Variants in GSDMD observed in about 807,000 individuals in gnomAD.
GSDMD encodes the protein gasdermin-D.
A neutral mutation model predicts 46.7 loss-of-function variants in GSDMD; 46 were observed. The observed-to-expected ratio is 0.99, with a 90% confidence interval of 0.78 to 1.26. GSDMD has a LOEUF of 1.26. GSDMD is among the 50% of genes most tolerant of loss of function. The pLI, the probability that GSDMD is intolerant of heterozygous loss-of-function variation, is 0.00. For missense variants in GSDMD, 649 were observed against 638.8 expected, an observed-to-expected ratio of 1.02 and a Z score of -0.17; for synonymous variants, 307 against 283.1, an observed-to-expected ratio of 1.08 and a Z score of -0.85.
chr8:143,559,280 T>TGAC, intron 1 of GSDMD, 52 bp from the exon 2 acceptor site: 7 of 579,430 alleles, frequency 1.2e-5, no homozygotes, highest in East Asian at 3.2e-5. Flanking sequence ...CTTCTCCCAC[T>TGAC]CCCTCCCGCC....
chr8:143,559,781 G>A lies in GSDMD; in HGVS notation c.222G>A (p.Val74=). The A allele has an allele frequency of 6.3e-7, 1 of 1,594,600 alleles. No individual in the cohort carries two copies. The highest frequency in any genetic ancestry group is 1.3e-5 in the African/African-American group (1 of 74,874). ...ILEPDAAEPD[V]QRGRSFHFYD... ...TCAGGTCTGGCCTTGCTTTAGACGT[G>A]CAGCGTGGCAGGAGCTTCCACTTCT... Residue 74 remains valine, a synonymous_variant, in exon 3 of 11, where the codon GTG becomes GTA. Transcript: ENST00000262580.
intron 1 of GSDMD, chr8:143,558,905 C>T (rs1261032916): frequency 9.2e-6 from 4 of 432,740 alleles, no homozygotes; most frequent in Non-Finnish European, 4.4e-6. Context: ...CCCTGGAGGA[C>T]GCAGCTGGGG....
At position 143,561,437 on chromosome 8, in the gene GSDMD, G is replaced by C; in HGVS notation, c.736+14G>C. 6.2e-7 allele frequency: 1 copy of C among 1,609,146 alleles called. No homozygotes were observed. ...CACCCGCGACAGGTGAGAGCCGAGA[G>C]CCCCCAGCATGGGGTGTCCGGTGGG... On this transcript the variant is annotated intron_variant, in intron 6 of 10. Coordinates refer to ENST00000262580, the MANE Select transcript of GSDMD (RefSeq NM_024736.7).
chr8:143,561,948 T>C lies in GSDMD; in HGVS notation c.824-11T>C. 1 of 1,607,916 alleles carries C rather than the reference T, an allele frequency of 6.2e-7. No homozygotes were observed. Among genetic ancestry groups the C allele is most frequent in the Admixed American group, 1.7e-5 (1 of 59,562 alleles). Reference sequence around the variant, plus strand: ...AGCACCTGGGCAGTGCCAGCCCTTCTGTCCCTACAGATGGGGTCCCTGCGG... The same window carrying C: ...AGCACCTGGGCAGTGCCAGCCCTTCCGTCCCTACAGATGGGGTCCCTGCGG... On this transcript the variant is annotated splice_polypyrimidine_tract_variant and intron_variant, in intron 7 of 10. Coordinates refer to ENST00000262580, the MANE Select transcript of GSDMD (RefSeq NM_024736.7).
chr8:143,561,096 C>CT lies in GSDMD; in HGVS notation c.675dup (p.Asp226Ter). On this transcript the variant is annotated frameshift_variant, in exon 5 of 11. Transcript: ENST00000262580. LOFTEE classifies it high-confidence loss of function. ...CGGGTGGCCCAGCTGGTTATTGACTCTGACTTGGGTGAGCTGGAGTTGGGG... is the reference window on the plus strand; with the variant it reads ...CGGGTGGCCCAGCTGGTTATTGACTCTTGACTTGGGTGAGCTGGAGTTGGGG... 6.2e-7 allele frequency: 1 copy of CT among 1,612,918 alleles called. No homozygotes were observed. Among genetic ancestry groups the CT allele is most frequent in the South Asian group, 1.1e-5 (1 of 91,074 alleles).
intron 1 of GSDMD, 52 bp from the exon 2 acceptor site, chr8:143,559,280 T>TACCAAAC: frequency 1.7e-6 from 1 of 579,430 alleles, no homozygotes. Context: ...CTTCTCCCAC[T>TACCAAAC]CCCTCCCGCC....
At chr8:143,554,097 G>A (rs929534828), upstream of GSDMD, among the ~76,000 whole-genome samples, 1 of 152,240 alleles carries the variant, frequency 6.6e-6, no homozygotes, top group Non-Finnish European at 1.5e-5. Flanking sequence ...GAATTTTGCT[G>A]CAAAGGAAAG....
chr8:143,560,616 C>A lies in GSDMD; in HGVS notation c.424C>A (p.Pro142Thr). ...CCTCGGACACAGGCACCTGCGGCAG[C>A]CAGAACACAAAGTCCTGCAGCAGCT... ...TLLHERHLRQPEHKVLQQLRS... is the reference protein window; with the variant it reads ...TLLHERHLRQTEHKVLQQLRS... The change falls in exon 4 of 11, where the codon CCA becomes ACA. Residue 142 changes from proline (P) to threonine (T), a missense_variant. Transcript: ENST00000262580. 6.3e-7 allele frequency: 1 copy of A among 1,585,818 alleles called. No individual in the cohort carries two copies. Among genetic ancestry groups the A allele is most frequent in the Non-Finnish European group, 8.6e-7 (1 of 1,166,494 alleles).
At chr8:143,557,409 C>CCGCTATGATGAAGGATGA (rs1563902859), upstream of GSDMD, among the ~76,000 whole-genome samples, 1 of 146,748 alleles carries the variant, frequency 6.8e-6, no homozygotes, top group African/African-American at 2.5e-5. Flanking sequence ...ACGACAGCTG[C>CCGCTATGATGAAGGATGA]TGCCGCTGTG....
upstream of GSDMD, chr8:143,558,270 G>GC: frequency 1.4e-6 from 2 of 1,457,304 alleles, no homozygotes; most frequent in African/African-American, 2.9e-5. Context: ...GCGGGAAGAG[G>GC]GGGCAGGAAG....
At position 143,559,922 on chromosome 8, in the gene GSDMD, C is replaced by G. The variant is rs767002044; in HGVS notation, c.363C>G (p.Tyr121Ter). ...SDSSSTSMNV[Y>*]SLSVDPNTWQ... The stretch of plus-strand genomic sequence containing the variant: ...GCTCCAGCACCTCAATGAATGTGTA[C>G]TCGCTGAGTGTGGACCCTAACACCT... The change falls in exon 3 of 11, where the codon TAC becomes TAG. Residue 121 changes from tyrosine to a stop codon, truncating the protein, a stop_gained. Coordinates refer to ENST00000262580, the MANE Select transcript of GSDMD (RefSeq NM_024736.7). LOFTEE classifies it high-confidence loss of function. 6.2e-7 allele frequency: 1 copy of G among 1,612,818 alleles called. No individual in the cohort carries two copies. The highest frequency in any genetic ancestry group is 8.5e-7 in the Non-Finnish European group (1 of 1,179,964).
chr8:143,559,151 G>C, intron 1 of GSDMD, 181 bp from the exon 2 acceptor site: 1 of 604,030 alleles, frequency 1.7e-6, no homozygotes, highest in Non-Finnish European at 2.9e-6. Context: ...CTGTAATTCT[G>C]TGTTGGGGAG....
intron 7 of GSDMD, 41 bp from the exon 8 acceptor site, chr8:143,561,918 C>G (rs1342465271): frequency 1.9e-6 from 3 of 1,606,178 alleles, no homozygotes; most frequent in Non-Finnish European, 2.6e-6. Flanking sequence ...TTCCAGGGCC[C>G]TGTAAGCACC....
upstream of GSDMD, among the ~76,000 whole-genome samples, chr8:143,557,012 G>A (rs370517007): frequency 4.6e-5 from 7 of 152,268 alleles, no homozygotes; most frequent in East Asian, 1.9e-4. Context: ...CCCAACCCCC[G>A]TCCCGGGCAC....
chr8:143,561,657 C>T (rs928205542), intron 6 of GSDMD, 85 bp from the exon 7 acceptor site: 92 of 1,178,970 alleles, frequency 7.8e-5, no homozygotes, highest in Non-Finnish European at 1.0e-4. Flanking sequence ...GGGGCTGTGA[C>T]GGCCTGGGGA....
chr8:143,559,695 T>A, intron 2 of GSDMD, 82 bp from the exon 3 acceptor site: 1 of 1,452,198 alleles, frequency 6.9e-7, no homozygotes, highest in Non-Finnish European at 9.3e-7. Context: ...AAGGTCCCTC[T>A]GCCCTGGGGC....
chr8:143,559,280 T>TACCA, intron 1 of GSDMD, 52 bp from the exon 2 acceptor site: 76 of 579,424 alleles, frequency 1.3e-4, no homozygotes, highest in East Asian at 3.2e-4. Context: ...CTTCTCCCAC[T>TACCA]CCCTCCCGCC....
At position 143,558,554 on chromosome 8, in the gene GSDMD, C is replaced by G. The variant is rs562749207; in HGVS notation, c.-5+103C>G. 9.7e-4 allele frequency: 1,126 copies of G among 1,159,862 alleles called. 6 individuals carry two copies. Among genetic ancestry groups the G allele is most frequent in the East Asian group, 1.9e-3 (60 of 32,062 alleles). The allele number at this position is 1,159,862 out of a possible 1,614,324, so 71.8% of individuals were successfully genotyped here. ...ATGCTGGCCCTGCTGCCCCAGCGTTCGCCCAGAAGGCCCCGCGCCGCACAC... is the reference window on the plus strand; with the variant it reads ...ATGCTGGCCCTGCTGCCCCAGCGTTGGCCCAGAAGGCCCCGCGCCGCACAC... On this transcript the variant is annotated intron_variant, in intron 1 of 10. Coordinates refer to ENST00000262580, the MANE Select transcript of GSDMD (RefSeq NM_024736.7).
In GSDMD at chr8:143,560,616, C is replaced by T; in HGVS notation, c.424C>T (p.Pro142Ser). The T allele has an allele frequency of 6.3e-7, 1 of 1,585,816 alleles. No individual in the cohort carries two copies. Among genetic ancestry groups the T allele is most frequent in the Non-Finnish European group, 8.6e-7 (1 of 1,166,494 alleles). The change falls in exon 4 of 11, where the codon CCA becomes TCA. Residue 142 changes from proline (P) to serine (S), a missense_variant. Transcript: ENST00000262580. The stretch of plus-strand genomic sequence containing the variant: ...CCTCGGACACAGGCACCTGCGGCAG[C>T]CAGAACACAAAGTCCTGCAGCAGCT... Reference protein sequence around the residue: ...TLLHERHLRQPEHKVLQQLRS... With the variant: ...TLLHERHLRQSEHKVLQQLRS...
Sources: allele counts gnomAD v4.1 joint callset (sites outside exome capture counted in the v4.1 genomes callset), GRCh38; gene constraint gnomAD v4.1.1; transcripts MANE v1.5; gene names NCBI Gene and HGNC (gene_info 2026-07-23, HGNC 2026-07-21).